The following DSCAML1 variants were observed in gnomAD, a reference collection of about 807,000 sequenced individuals.
The protein encoded by DSCAML1 is cell adhesion molecule DSCAML1.
In DSCAML1, 38 loss-of-function variants were observed where a neutral mutation model predicts 200.5. The ratio of observed to expected loss-of-function variants is 0.19; its 90% confidence interval spans 0.15 to 0.25. The LOEUF is 0.25. Among genes scored for constraint, DSCAML1 ranks in the 10% least tolerant of loss-of-function variants. The probability of loss-of-function intolerance (pLI) is 1.00; values close to 1 mark genes in which losing one functional copy is unlikely to be tolerated. For synonymous variants in DSCAML1, 1,215 were observed against 1,165.0 expected, an observed-to-expected ratio of 1.04 and a Z score of -0.87; for missense variants, 2,223 against 2,858.8, an observed-to-expected ratio of 0.78 and a Z score of 5.07.
chr11:117,476,117 G>A (rs2048786813), intron 14 of DSCAML1, among the ~76,000 whole-genome samples: 1 of 152,042 alleles, frequency 6.6e-6, no homozygotes, highest in South Asian at 2.1e-4. Context: ...ATTTCATTAA[G>A]GGCTCTCTCT....
chr11:117,483,549 T>C (rs1049189484), intron 11 of DSCAML1, among the ~76,000 whole-genome samples: 1 of 152,184 alleles, frequency 6.6e-6, no homozygotes, highest in Non-Finnish European at 1.5e-5. Flanking sequence ...AGTTTCACTC[T>C]AGTGGTGAGA....
At chr11:117,593,812 T>C (rs1191576793) in intron 3 of DSCAML1, among the ~76,000 whole-genome samples, 1 of 151,636 alleles carries the variant, frequency 6.6e-6, no homozygotes, top group Non-Finnish European at 1.5e-5. Flanking sequence ...CCTGGGTTCA[T>C]GCCAGTCTCC....
In DSCAML1 at chr11:117,642,601, A is replaced by G; in HGVS notation, c.512-110079T>C. Among the ~76,000 whole-genome samples, 1 of 152,172 alleles carries G rather than the reference A, an allele frequency of 6.6e-6. No homozygotes were observed. The highest frequency in any genetic ancestry group is 1.9e-4 in the East Asian group (1 of 5,200). On this transcript the variant is annotated intron_variant, in intron 3 of 32. Transcript: ENST00000651296. This position sits in a 1 kb window ranked among gnomAD's most constrained non-coding sequence, Gnocchi z 4.1. ...ACACAGTGGGGCTGTATCCCTGTGG[A>G]TGGACAGCAGTGCCTGAGGGAGCCC...
At position 117,520,668 on chromosome 11, in the gene DSCAML1, G is replaced by A. The variant is rs1046095101; in HGVS notation, c.1213+462C>T. Among the ~76,000 whole-genome samples, 6 of 150,602 alleles carry A rather than the reference G, an allele frequency of 4.0e-5. No individual in the cohort carries two copies. In the East Asian group the frequency reaches 5.9e-4, roughly 15 times the overall value. On this transcript the variant is annotated intron_variant, in intron 6 of 32. Coordinates refer to ENST00000651296, the MANE Select transcript of DSCAML1 (RefSeq NM_020693.4). ...AGGCCTCAGCCCAGGCGGGAGGATC[G>A]CTTCACCCCAGTTCAAGACCAGCCT...
In DSCAML1 at chr11:117,430,941, G is replaced by C; in HGVS notation, c.5467C>G (p.Gln1823Glu). Residue 1823 changes from glutamine to glutamate, a missense_variant, in exon 32 of 33, where the codon CAG (glutamine) becomes GAG (glutamate). By Grantham distance (29) the Gln-to-Glu change is conservative. This residue lies in a region of DSCAML1 where 96 missense variants were observed against 160.7 expected (regional missense o/e 0.60). Coordinates refer to ENST00000651296, the MANE Select transcript of DSCAML1 (RefSeq NM_020693.4). Reference sequence around the variant, plus strand: ...ATCTCAAACTTGGCGTGCTGCAGCTGCTCCTCCAGCTTGGCATGCTCATAG... The same window carrying C: ...ATCTCAAACTTGGCGTGCTGCAGCTCCTCCTCCAGCTTGGCATGCTCATAG... ...RAYEHAKLEE[Q>E]LQHAKFEITE... The C allele has an allele frequency of 1.2e-6, 2 of 1,614,202 alleles. No homozygotes were observed. Among genetic ancestry groups the C allele is most frequent in the South Asian group, 2.2e-5 (2 of 91,088 alleles).
intron 11 of DSCAML1, 51 bp from the exon 12 acceptor site, chr11:117,482,213 G>A (rs1176904580): frequency 6.2e-7 from 1 of 1,603,002 alleles, no homozygotes; most frequent in Non-Finnish European, 8.5e-7. Flanking sequence ...GACCAGCCTG[G>A]AGGAGGCACG....
rs148003970 is a variant in DSCAML1, at chr11:117,582,068, A to G, written c.512-49546T>C. 2.0e-3 allele frequency among the ~76,000 whole-genome samples: 300 copies of G among 152,316 alleles called. 1 individual carries two copies. Among genetic ancestry groups the G allele is most frequent in the Middle Eastern group, 6.8e-3 (2 of 292 alleles). On this transcript the variant is annotated intron_variant, in intron 3 of 32. Coordinates refer to ENST00000651296, the MANE Select transcript of DSCAML1 (RefSeq NM_020693.4). ...CATTCTCTGAAAGTAAGGGACATGC[A>G]TTTGAGGACACAGGAATGAGTTCAG...
At chr11:117,442,007 T>C (rs993866825) in intron 21 of DSCAML1, among the ~76,000 whole-genome samples, 1 of 146,404 alleles carries the variant, frequency 6.8e-6, no homozygotes, top group Non-Finnish European at 1.5e-5. Flanking sequence ...TGGGTGTGTA[T>C]GTGCATCTGC....
intron 14 of DSCAML1, among the ~76,000 whole-genome samples, chr11:117,478,566 T>C (rs2048844035): frequency 1.3e-5 from 2 of 152,084 alleles, no homozygotes; most frequent in Admixed American, 1.3e-4. Flanking sequence ...TGCTCAAGTC[T>C]CCCCCGGGAG....
At chr11:117,440,293 G>A (rs913238316) in intron 21 of DSCAML1, among the ~76,000 whole-genome samples, 10 of 152,202 alleles carry the variant, frequency 6.6e-5, no homozygotes, top group African/African-American at 2.4e-4. Context: ...AGGAAGCCTA[G>A]GGGTGCGAGG....
chr11:117,790,614 T>C (rs1280803732), intron 1 of DSCAML1, among the ~76,000 whole-genome samples: 1 of 152,232 alleles, frequency 6.6e-6, no homozygotes, highest in Non-Finnish European at 1.5e-5. Flanking sequence ...GGTTTTTACA[T>C]GTGTGTGTTC....
chr11:117,480,638 C>T lies in DSCAML1; in HGVS notation c.2657-67G>A, dbSNP rs577166. ...CAGGGAGCTTGGCCTCCTGCTTGGC[C>T]CTGAGGATTGGCATCACCTGGGTCT... On this transcript the variant is annotated intron_variant, in intron 13 of 32. Transcript: ENST00000651296. This position sits in a 1 kb window ranked among gnomAD's most constrained non-coding sequence, Gnocchi z 4.1. 108,760 of 1,535,696 alleles carry T rather than the reference C, an allele frequency of 0.071. 4,350 individuals carry two copies. The highest frequency in any genetic ancestry group is 0.12 in the East Asian group (4,829 of 40,596).
At chr11:117,686,982 CTG>C (rs1244001879) in intron 3 of DSCAML1, among the ~76,000 whole-genome samples, 1 of 152,210 alleles carries the variant, frequency 6.6e-6, no homozygotes, top group African/African-American at 2.4e-5. Flanking sequence ...GATTATGAGT[CTG>C]TGACTGTGAG....
At chr11:117,547,311 A>G (rs1313891678) in intron 3 of DSCAML1, among the ~76,000 whole-genome samples, 2 of 152,190 alleles carry the variant, frequency 1.3e-5, no homozygotes, top group Non-Finnish European at 2.9e-5. Context: ...CACTGTTATT[A>G]CAATTCGGGA....
At chr11:117,625,581 C>A (rs968854578) in intron 3 of DSCAML1, among the ~76,000 whole-genome samples, 2 of 152,184 alleles carry the variant, frequency 1.3e-5, no homozygotes, top group South Asian at 4.1e-4. Flanking sequence ...TCAGCCCTAG[C>A]GTCCAGGGCA....
chr11:117,540,479 T>G (rs559594391), intron 3 of DSCAML1, among the ~76,000 whole-genome samples: 19 of 152,218 alleles, frequency 1.2e-4, no homozygotes, highest in African/African-American at 4.6e-4. Context: ...AGTTTCAGTT[T>G]TACAAAAGGC....
At chr11:117,553,779 G>T (rs1463154296) in intron 3 of DSCAML1, among the ~76,000 whole-genome samples, 2 of 152,194 alleles carry the variant, frequency 1.3e-5, no homozygotes, top group Non-Finnish European at 2.9e-5. Flanking sequence ...CAGCAATTTG[G>T]GTATGTATCC....
At chr11:117,711,083 C>A (rs1372433537) in intron 3 of DSCAML1, among the ~76,000 whole-genome samples, 1 of 152,134 alleles carries the variant, frequency 6.6e-6, no homozygotes, top group Non-Finnish European at 1.5e-5. Context: ...AAAATAAAGC[C>A]TACTCCTGAA....
intron 1 of DSCAML1, among the ~76,000 whole-genome samples, chr11:117,794,156 T>C (rs991977128): frequency 5.3e-5 from 8 of 151,900 alleles, no homozygotes; most frequent in African/African-American, 1.9e-4. Context: ...TCGGAGAAGT[T>C]GGGGTGGGAA....
Sources: gnomAD v4.1 joint callset for allele counts (sites outside exome capture counted in the v4.1 genomes callset) on GRCh38, gnomAD v4.1.1 for gene constraint, gnomAD v4.1.1 regional missense constraint, Gnocchi (gnomAD v3.1) non-coding constraint, MANE v1.5 for transcripts, NCBI Gene and HGNC (gene_info 2026-07-23, HGNC 2026-07-21) for gene names.